Variants in CNKSR3 observed in about 807,000 individuals in gnomAD.
The protein encoded by CNKSR3 is CNKSR family member 3, also known as connector enhancer of kinase suppressor of ras 3.
In CNKSR3, 36 loss-of-function variants were observed where a neutral mutation model predicts 67.7. The ratio of observed to expected loss-of-function variants is 0.53; its 90% CI spans 0.41 to 0.70. The LOEUF is 0.70. CNKSR3 is among the 30% of genes least tolerant of loss of function. The pLI is 0.00. For missense variants in CNKSR3, 630 were observed against 695.2 expected (o/e 0.91, Z 1.05); for synonymous variants, 281 against 271.4 (o/e 1.04, Z -0.35).
chr6:154,473,150 C>T (rs542730311), intron 1 of CNKSR3, among the ~76,000 whole-genome samples: 5 of 152,184 alleles, frequency 3.3e-5, no homozygotes, highest in African/African-American at 9.7e-5. Context: ...CTCAAAGTCA[C>T]ACAGCTAATC....
chr6:154,405,394 C>G lies in CNKSR3; in HGVS notation c.*960G>C, dbSNP rs1784766885. 1 of 152,594 alleles carries G rather than the reference C, an allele frequency of 6.6e-6. No individual in the cohort carries two copies. The highest frequency in any genetic ancestry group is 2.1e-4 in the South Asian group (1 of 4,836). 9.5% of individuals were successfully genotyped at this position (152,594 alleles called of 1,614,324 possible). ...CAAAATATCATACATTCAGTTTAAACAAGAGTTAATATCCAGACACACGTT... is the reference window on the plus strand; with the variant it reads ...CAAAATATCATACATTCAGTTTAAAGAAGAGTTAATATCCAGACACACGTT... On this transcript the variant is annotated 3_prime_UTR_variant, in exon 13 of 13. Transcript: ENST00000607772.
At chr6:154,509,918 C>T in intron 1 of CNKSR3, 145 bp downstream of exon 1, 1 of 861,602 alleles carries the variant, frequency 1.2e-6, no homozygotes, top group Non-Finnish European at 1.9e-6. Flanking sequence ...AGCGCACAGG[C>T]CACTCGGCAG....
chr6:154,441,422 T>C, intron 3 of CNKSR3, 43 bp from the exon 4 acceptor site: 1 of 1,373,910 alleles, frequency 7.3e-7, no homozygotes, highest in Non-Finnish European at 1.0e-6. Context: ...GTAGGGAGAA[T>C]CCACGGGGAT....
chr6:154,390,291 C>G lies in CNKSR3; in HGVS notation c.*16063G>C, dbSNP rs1784591040. On this transcript the variant is annotated 3_prime_UTR_variant, in exon 13 of 13. Coordinates refer to ENST00000607772, the MANE Select transcript of CNKSR3 (RefSeq NM_173515.4). ...TCTAGGCTGATTAGAGTTGGTTATCCCCTTGACTGTCAACTCTGCAGCTGG... is the reference window on the plus strand; with the variant it reads ...TCTAGGCTGATTAGAGTTGGTTATCGCCTTGACTGTCAACTCTGCAGCTGG... 6.6e-6 allele frequency: 1 copy of G among 152,194 alleles called. No individual in the cohort carries two copies. The highest frequency in any genetic ancestry group is 1.5e-5 in the Non-Finnish European group (1 of 68,080). 9.4% of individuals were successfully genotyped at this position (152,194 alleles called of 1,614,324 possible). A position where few individuals can be genotyped will look rare whatever the true frequency, so the allele number is the denominator to read the frequency against.
chr6:154,406,786 G>A lies in CNKSR3; in HGVS notation c.1370-134C>T, dbSNP rs1273428674. ...AGATCTAGACCATCCTGGCCAACAT[G>A]GTGAAACCCCGTCTCTACTGAAAAT... is the stretch of plus-strand genomic sequence containing the variant. On this transcript the variant is annotated intron_variant, in intron 12 of 12. Coordinates refer to ENST00000607772, the MANE Select transcript of CNKSR3 (RefSeq NM_173515.4). The A allele has an allele frequency of 8.2e-6, 6 of 729,746 alleles. No individual in the cohort carries two copies. The African/African-American group carries it at 1.1e-4, about 13-fold the overall frequency. 45.2% of individuals were successfully genotyped at this position (729,746 alleles called of 1,614,324 possible).
chr6:154,446,874 G>A (rs1397681561), intron 2 of CNKSR3, among the ~76,000 whole-genome samples: 2 of 148,502 alleles, frequency 1.3e-5, no homozygotes, highest in Non-Finnish European at 3.0e-5. Context: ...GCATGATCTC[G>A]GCTCACTGCA....
At chr6:154,442,949 G>A (rs1306060550) in intron 2 of CNKSR3, among the ~76,000 whole-genome samples, 2 of 151,940 alleles carry the variant, frequency 1.3e-5, no homozygotes, top group Admixed American at 6.5e-5. Flanking sequence ...GAGTACAGTG[G>A]TGCCATCTCA....
chr6:154,464,227 G>A (rs1443692981), intron 1 of CNKSR3, among the ~76,000 whole-genome samples: 2 of 152,204 alleles, frequency 1.3e-5, no homozygotes, highest in African/African-American at 2.4e-5. Flanking sequence ...CTGTTAGGGT[G>A]GAGGGTGAAA....
At chr6:154,499,124 T>C (rs1021317515) in intron 1 of CNKSR3, among the ~76,000 whole-genome samples, 1 of 152,200 alleles carries the variant, frequency 6.6e-6, no homozygotes, top group African/African-American at 2.4e-5. Flanking sequence ...CCCGAGGGGA[T>C]ACCAGCTTTA....
chr6:154,507,502 G>A (rs968543240), intron 1 of CNKSR3, among the ~76,000 whole-genome samples: 1 of 152,192 alleles, frequency 6.6e-6, no homozygotes, highest in African/African-American at 2.4e-5. Flanking sequence ...CCTATAAGCA[G>A]ACGAGCTTTT....
chr6:154,468,428 ACACAC>A (rs1266065787), intron 1 of CNKSR3, among the ~76,000 whole-genome samples: 5 of 144,282 alleles, frequency 3.5e-5, no homozygotes, highest in Non-Finnish European at 6.1e-5. Context: ...ACACACACAC[ACACAC>A]CATGACCATC....
intron 9 of CNKSR3, chr6:154,414,687 G>A (rs1468139507): frequency 1.7e-6 from 1 of 574,626 alleles, no homozygotes; most frequent in Non-Finnish European, 3.4e-6. Context: ...CTCTAGCTCT[G>A]AGCAAATCAC....
intron 1 of CNKSR3, among the ~76,000 whole-genome samples, chr6:154,468,294 G>A (rs192250883): frequency 5.6e-4 from 84 of 151,254 alleles, no homozygotes; most frequent in African/African-American, 1.8e-3. Flanking sequence ...TGGCCAGGCT[G>A]GTCTTGAACT....
At chr6:154,451,326 TAA>T (rs1785821446) in intron 1 of CNKSR3, among the ~76,000 whole-genome samples, 3 of 152,234 alleles carry the variant, frequency 2.0e-5, no homozygotes, top group Admixed American at 6.5e-5. Flanking sequence ...AGCCTAATAA[TAA>T]AAGTCACCTT....
At chr6:154,494,630 G>T (rs999550798) in intron 1 of CNKSR3, among the ~76,000 whole-genome samples, 2 of 152,134 alleles carry the variant, frequency 1.3e-5, no homozygotes, top group African/African-American at 4.8e-5. Context: ...AGGCATAGAA[G>T]AAATCACCTC....
intron 1 of CNKSR3, among the ~76,000 whole-genome samples, chr6:154,491,028 G>A (rs1466539216): frequency 6.6e-6 from 1 of 151,972 alleles, no homozygotes; most frequent in Non-Finnish European, 1.5e-5. Flanking sequence ...TGTATTTTTA[G>A]TAGAGATGAG....
chr6:154,418,061 T>A (rs1317063414), intron 9 of CNKSR3, among the ~76,000 whole-genome samples: 3 of 152,092 alleles, frequency 2.0e-5, no homozygotes, highest in African/African-American at 7.2e-5. Context: ...ATCTAGAGTC[T>A]CACTACCGCC....
Position 154,439,708 on chromosome 6 carries a change from A to G in CNKSR3, c.507+1584T>C, listed in dbSNP as rs1052346225. ...GGAGTTTGAGACCAGCCTGGGTAAC[A>G]TAGCAAGACCCTGTCTCTACAAAAA... On this transcript the variant is annotated intron_variant, in intron 4 of 12. Transcript: ENST00000607772. Among the ~76,000 whole-genome samples, 3 of 152,176 alleles carry G rather than the reference A, an allele frequency of 2.0e-5. No homozygotes were observed. The South Asian group carries it at 6.2e-4, about 31-fold the overall frequency.
intron 6 of CNKSR3, among the ~76,000 whole-genome samples, chr6:154,429,732 T>C (rs566603872): frequency 4.3e-4 from 65 of 151,734 alleles, no homozygotes; most frequent in African/African-American, 1.5e-3. Context: ...TCCTCCTCCT[T>C]CTCCTCAACA....
Sources: allele counts gnomAD v4.1 joint callset (sites outside exome capture counted in the v4.1 genomes callset), GRCh38; gene constraint gnomAD v4.1.1; transcripts MANE v1.5; gene names NCBI Gene and HGNC (gene_info 2026-07-23, HGNC 2026-07-21).